The following BTK variants were observed in gnomAD, a reference collection of about 807,000 sequenced individuals.
The protein encoded by BTK is tyrosine-protein kinase BTK.
A neutral mutation model predicts 57.4 loss-of-function variants in BTK; 5 were observed. The observed-to-expected ratio is 0.09, with a 90% confidence interval of 0.05 to 0.18. The LOEUF (loss-of-function observed/expected upper bound fraction) is 0.18, where lower values mean the gene tolerates loss of function less well. Among genes scored for constraint, BTK ranks in the 10% least tolerant of loss-of-function variants. The pLI, the probability that BTK is intolerant of heterozygous loss-of-function variation, is 1.00. For synonymous variants in BTK, 154 were observed against 174.3 expected, an observed-to-expected ratio of 0.88 and a Z score of 0.92; for missense variants, 194 against 501.2, an observed-to-expected ratio of 0.39 and a Z score of 5.85.
intron 1 of BTK, among the ~76,000 whole-genome samples, chrX:101,376,645 A>G (rs1475369371): frequency 9.1e-6 from 1 of 109,530 alleles, no homozygotes; most frequent in African/African-American, 3.3e-5. Flanking sequence ...AAAATCAAAA[A>G]CAACAACAAA....
At chrX:101,363,113 G>T (rs2147436476) in intron 5 of BTK, among the ~76,000 whole-genome samples, 1 of 112,055 alleles carries the variant, frequency 8.9e-6, no homozygotes, top group East Asian at 2.8e-4. Context: ...TGATCTTTTA[G>T]GGATAATTAG....
chrX:101,354,144 G>A (rs1366710630), intron 16 of BTK, 156 bp from the exon 17 acceptor site: 8 of 483,564 alleles, frequency 1.7e-5, no homozygotes, highest in African/African-American at 1.2e-4. Context: ...TACTTTTAAC[G>A]AATTTCCTGT....
intron 3 of BTK, 119 bp from the exon 4 acceptor site, chrX:101,371,820 A>T (rs1555980358): frequency 3.5e-6 from 2 of 572,546 alleles, no homozygotes; most frequent in African/African-American, 4.5e-5. Flanking sequence ...GACAAGGCTG[A>T]TTCTTAGTGA....
intron 13 of BTK, 113 bp from the exon 14 acceptor site, chrX:101,357,068 A>G: frequency 1.3e-6 from 1 of 795,176 alleles, no homozygotes; most frequent in Non-Finnish European, 1.9e-6. Flanking sequence ...GGAAATTTTT[A>G]GAAGTACTAA....
chrX:101,381,228 T>C (rs1454404524), intron 1 of BTK, among the ~76,000 whole-genome samples: 2 of 111,157 alleles, frequency 1.8e-5, no homozygotes, highest in African/African-American at 6.5e-5. Context: ...TTTAGGTTGT[T>C]TGCTTTCAGT....
At chrX:101,359,848 A>G (rs1276888271) in intron 9 of BTK, among the ~76,000 whole-genome samples, 1 of 107,006 alleles carries the variant, frequency 9.3e-6, no homozygotes, top group Non-Finnish European at 1.9e-5. Context: ...TATATCTTGA[A>G]ATAAAAAATA....
chrX:101,364,314 C>T (rs1224167083), intron 5 of BTK, among the ~76,000 whole-genome samples: 2 of 105,006 alleles, frequency 1.9e-5, no homozygotes, highest in East Asian at 6.0e-4. Context: ...GAGGCTGAGA[C>T]AGGAGAATCA....
chrX:101,374,684 GC>G (rs782218122), intron 2 of BTK, 50 bp from the exon 3 acceptor site: 1 of 1,013,122 alleles, frequency 9.9e-7, no homozygotes, highest in Non-Finnish European at 1.4e-6. Flanking sequence ...GAGGGATTAA[GC>G]AACCAGATGA....
At position 101,356,326 on chromosome X, in the gene BTK, G is replaced by C. The variant is rs1555977861; in HGVS notation, c.1350-58C>G. Reference sequence around the variant, plus strand: ...TTTGGCTCTGCATAATAGCAATAAAGGGGCTGGGGAGGAAGGGGCTGACCT... The same window carrying C: ...TTTGGCTCTGCATAATAGCAATAAACGGGCTGGGGAGGAAGGGGCTGACCT... On this transcript the variant is annotated intron_variant, in intron 14 of 18. Coordinates refer to ENST00000308731, the MANE Select transcript of BTK (RefSeq NM_000061.3). 1.3e-5 allele frequency: 14 copies of C among 1,054,539 alleles called. No homozygotes were observed. The South Asian group carries it at 2.7e-4, about 21-fold the overall frequency. The allele number at this position is 1,054,539 out of a possible 1,213,427, so 86.9% of individuals were successfully genotyped here.
chrX:101,379,264 T>C (rs3027615), intron 1 of BTK, among the ~76,000 whole-genome samples: 54,983 of 109,212 alleles, frequency 0.5, 11,797 homozygotes, highest in African/African-American at 0.83. Context: ...CTATGAGATA[T>C]GATTTAAAAT....
chrX:101,356,361 G>GCAT, intron 14 of BTK, 93 bp from the exon 15 acceptor site: 1 of 742,123 alleles, frequency 1.3e-6, no homozygotes, highest in East Asian at 3.5e-5. Flanking sequence ...TAGGAGTAGA[G>GCAT]CATCAGATAA....
chrX:101,386,504 G>A (rs1186921559), upstream of BTK, among the ~76,000 whole-genome samples: 2 of 110,807 alleles, frequency 1.8e-5, no homozygotes, highest in African/African-American at 6.6e-5. Flanking sequence ...TATGAAGACA[G>A]TCAGCACAGG....
intron 1 of BTK, among the ~76,000 whole-genome samples, chrX:101,376,916 T>C (rs1470057476): frequency 9.0e-6 from 1 of 111,164 alleles, no homozygotes; most frequent in South Asian, 3.8e-4. Flanking sequence ...CACTGTTATT[T>C]TGCTCTTTCC....
At chrX:101,363,892 T>C (rs1603011543) in intron 5 of BTK, among the ~76,000 whole-genome samples, 1 of 40,365 alleles carries the variant, frequency 2.5e-5, no homozygotes, top group East Asian at 5.1e-4. Context: ...CCGCACATTA[T>C]TATTATTATT....
chrX:101,351,196 A>G (rs1191047725), intron 18 of BTK, among the ~76,000 whole-genome samples: 2 of 111,440 alleles, frequency 1.8e-5, no homozygotes, highest in Non-Finnish European at 3.8e-5. Flanking sequence ...GGGTTTCACC[A>G]TGTTGGCCAG....
intron 4 of BTK, 102 bp from the exon 5 acceptor site, chrX:101,370,181 G>T (rs1926981669): frequency 1.5e-5 from 10 of 686,026 alleles, no homozygotes; most frequent in Non-Finnish European, 2.3e-5. Context: ...ATTTATTGTA[G>T]AAAACAAAGA....
At chrX:101,365,076 G>A (rs1226634170) in intron 5 of BTK, among the ~76,000 whole-genome samples, 1 of 111,008 alleles carries the variant, frequency 9.0e-6, no homozygotes, top group Non-Finnish European at 1.9e-5. Context: ...TAATAAAACC[G>A]ACCCAAAGTC....
At chrX:101,368,767 A>G (rs1926935874) in intron 5 of BTK, among the ~76,000 whole-genome samples, 1 of 112,519 alleles carries the variant, frequency 8.9e-6, no homozygotes. Context: ...ATAATTGAAT[A>G]GATGATCCTT....
At chrX:101,378,476 C>T (rs1927290827) in intron 1 of BTK, among the ~76,000 whole-genome samples, 1 of 109,330 alleles carries the variant, frequency 9.1e-6, no homozygotes, top group Admixed American at 9.8e-5. Flanking sequence ...CCCTGAGCTC[C>T]ACTCAGGGTG....
Sources: allele counts gnomAD v4.1 joint callset (sites outside exome capture counted in the v4.1 genomes callset), GRCh38; gene constraint gnomAD v4.1.1; transcripts MANE v1.5; gene names NCBI Gene and HGNC (gene_info 2026-07-23, HGNC 2026-07-21).